MORN1: variants seen among roughly 807,000 people sequenced by gnomAD.
The protein encoded by MORN1 is MORN repeat containing 1.
A neutral mutation model predicts 61.9 loss-of-function variants in MORN1; 67 were observed. The observed-to-expected ratio is 1.08, with a 90% confidence interval of 0.89 to 1.33. MORN1 has a LOEUF of 1.33. MORN1 is among the 40% of genes most tolerant of loss of function. MORN1 has a pLI of 0.00. For missense variants in MORN1, 752 were observed against 691.2 expected, an observed-to-expected ratio of 1.09 and a Z score of -0.99; for synonymous variants, 301 against 292.0, an observed-to-expected ratio of 1.03 and a Z score of -0.31.
At chr1:2,356,790 TGC>T (rs1641780567) in intron 10 of MORN1, among the ~76,000 whole-genome samples, 1 of 152,208 alleles carries the variant, frequency 6.6e-6, no homozygotes, top group African/African-American at 2.4e-5. Flanking sequence ...CACTGCTCGC[TGC>T]ACCGGAGGGA....
chr1:2,339,929 C>T (rs917702297), intron 10 of MORN1, among the ~76,000 whole-genome samples: 10 of 152,264 alleles, frequency 6.6e-5, no homozygotes, highest in Non-Finnish European at 1.0e-4. Context: ...TGGAATCCCT[C>T]GGCCGCTCCT....
At chr1:2,335,809 G>A (rs1001928665) in intron 12 of MORN1, among the ~76,000 whole-genome samples, 17 of 144,086 alleles carry the variant, frequency 1.2e-4, no homozygotes, top group African/African-American at 4.2e-4. Flanking sequence ...GCACATCAGC[G>A]GGGGCCTCCT....
In MORN1 at chr1:2,321,334, A is replaced by C; in HGVS notation, c.*49T>G. ...GGAGCAGAGTCACGCAAGCAGAGGC[A>C]GCGTTTCCTTCCATTCACACCGAGG... On this transcript the variant is annotated 3_prime_UTR_variant, in exon 14 of 14. Coordinates refer to ENST00000378531, the MANE Select transcript of MORN1 (RefSeq NM_024848.3). 7.7e-7 allele frequency: 1 copy of C among 1,296,588 alleles called. No individual in the cohort carries two copies. The highest frequency in any genetic ancestry group is 1.0e-6 in the Non-Finnish European group (1 of 965,408). 80.3% of individuals were successfully genotyped at this position (1,296,588 alleles called of 1,614,324 possible). A position where few individuals can be genotyped will look rare whatever the true frequency, so the allele number is the denominator to read the frequency against.
At position 2,385,844 on chromosome 1, in the gene MORN1, C is replaced by G; in HGVS notation, c.412G>C (p.Asp138His). Residue 138 changes from aspartate (D) to histidine (H), a missense_variant, in exon 5 of 14, where the codon GAC (aspartate) becomes CAC (histidine). Asp to His is a moderately conservative substitution (Grantham distance 81). Transcript: ENST00000378531. The stretch of plus-strand genomic sequence containing the variant: ...TGCCCAGGGCCGTGCCTCTTGTTGT[C>G]ATGGAAGGAGCCCTGGTACACTTGT... ...DGQVYQGSFH[D>H]NKRHGPGQML... 6.2e-7 allele frequency: 1 copy of G among 1,613,950 alleles called. No homozygotes were observed.
chr1:2,372,212 C>A lies in MORN1; in HGVS notation c.745+269G>T. ...TATACACATTCAGACCTGTGCACAC[C>A]TGTGCAAGGCATACACACATATGCA... On this transcript the variant is annotated intron_variant, in intron 8 of 13. Transcript: ENST00000378531. The surrounding 1 kb of genome is among the most constrained non-coding windows in gnomAD (Gnocchi z 5.4). The A allele has an allele frequency of 2.4e-6, 1 of 415,642 alleles. No individual in the cohort carries two copies. Among genetic ancestry groups the A allele is most frequent in the Admixed American group, 3.9e-5 (1 of 25,634 alleles). 25.7% of individuals were successfully genotyped at this position (415,642 alleles called of 1,614,324 possible).
intron 7 of MORN1, among the ~76,000 whole-genome samples, chr1:2,373,938 G>T (rs1385834666): frequency 6.6e-6 from 1 of 152,242 alleles, no homozygotes; most frequent in Non-Finnish European, 1.5e-5. Flanking sequence ...GGTGCTGGCG[G>T]CACCTGCACC....
rs142498651 is a variant in MORN1, at chr1:2,387,462, G to A, written c.315C>T (p.Ala105=). 5.1e-5 allele frequency: 82 copies of A among 1,613,682 alleles called. No individual in the cohort carries two copies. The African/African-American group carries it at 8.0e-4, about 16-fold the overall frequency. ...AGACCTCCCCTTCATAACATCCGCC[G>A]GCTTTGTACTCCATGACGCCGTAGC... ...PQGYGVMEYK[A]GGCYEGEVSH... is the part of the protein sequence containing the mutation. The change falls in exon 4 of 14, where the codon GCC becomes GCT. Residue 105 remains alanine (A), a synonymous_variant. Coordinates refer to ENST00000378531, the MANE Select transcript of MORN1 (RefSeq NM_024848.3).
chr1:2,331,313 C>T (rs1053814284), intron 12 of MORN1, among the ~76,000 whole-genome samples: 5 of 152,178 alleles, frequency 3.3e-5, no homozygotes, highest in East Asian at 3.9e-4. Context: ...AGAGGCAGCA[C>T]GGGCCAGGGC....
chr1:2,357,395 C>G lies in MORN1; in HGVS notation c.1036+37G>C. The stretch of plus-strand genomic sequence containing the variant: ...CCCCACCTTGACTGCTGGGCCTGGG[C>G]CCACCCACCCCCAACTGGTTTGTGA... On this transcript the variant is annotated intron_variant, in intron 10 of 13. Transcript: ENST00000378531. The surrounding 1 kb of genome is among the most constrained non-coding windows in gnomAD (Gnocchi z 6.3). The G allele has an allele frequency of 1.3e-6, 2 of 1,536,400 alleles. No individual in the cohort carries two copies. Among genetic ancestry groups the G allele is most frequent in the South Asian group, 1.2e-5 (1 of 80,642 alleles).
intron 10 of MORN1, among the ~76,000 whole-genome samples, chr1:2,348,167 C>T (rs1204326297): frequency 6.6e-6 from 1 of 152,342 alleles, no homozygotes; most frequent in Non-Finnish European, 1.5e-5. Flanking sequence ...CTGCCATGGT[C>T]CTGGCGTCTT....
chr1:2,333,651 G>C (rs1641207926), intron 12 of MORN1, among the ~76,000 whole-genome samples: 2 of 152,320 alleles, frequency 1.3e-5, no homozygotes, highest in South Asian at 2.1e-4. Context: ...CTGAGAGCCG[G>C]CCCTTGCCCC....
chr1:2,388,834 G>A (rs2100380314), intron 2 of MORN1, among the ~76,000 whole-genome samples: 1 of 151,252 alleles, frequency 6.6e-6, no homozygotes, highest in Middle Eastern at 3.5e-3. Flanking sequence ...CAGAGTGGCT[G>A]GGCGCAGTGG....
chr1:2,384,937 C>T lies in MORN1; in HGVS notation c.537+41G>A, dbSNP rs1018243712. ...CCACGCGCCCTGCCCACCACGAGGC[C>T]TGTACCCTCTGGGCAGCAGGTGCCG... On this transcript the variant is annotated intron_variant, in intron 6 of 13. Transcript: ENST00000378531. The T allele has an allele frequency of 3.3e-6, 5 of 1,511,214 alleles. No individual in the cohort carries two copies. The African/African-American group carries it at 6.9e-5, about 21-fold the overall frequency. The allele number at this position is 1,511,214 out of a possible 1,614,324, so 93.6% of individuals were successfully genotyped here.
intron 13 of MORN1, chr1:2,322,447 G>A: frequency 1.0e-6 from 1 of 985,314 alleles, no homozygotes; most frequent in Non-Finnish European, 1.2e-6. Flanking sequence ...CAGAGCGGCG[G>A]CCTCCTCGGC....
intron 8 of MORN1, among the ~76,000 whole-genome samples, chr1:2,362,670 G>A (rs1641915413): frequency 6.6e-6 from 1 of 152,120 alleles, no homozygotes; most frequent in Non-Finnish European, 1.5e-5. Context: ...AGACCAATCT[G>A]GCCTACATGG....
At chr1:2,387,732 G>A (rs1333496417) in intron 3 of MORN1, 1 of 582,134 alleles carries the variant, frequency 1.7e-6, no homozygotes, top group African/African-American at 1.9e-5. Flanking sequence ...CATGCAGACA[G>A]CCCCAGGCAG....
intron 10 of MORN1, among the ~76,000 whole-genome samples, chr1:2,338,460 T>C (rs2036085): frequency 0.41 from 61,987 of 152,004 alleles, 13,793 homozygotes; most frequent in African/African-American, 0.59. Context: ...TAACTTGGAC[T>C]GCGTCTTTTA....
rs539028793 is a variant in MORN1, at chr1:2,334,795, C to T, written c.1250+1674G>A. On this transcript the variant is annotated intron_variant, in intron 12 of 13. Transcript: ENST00000378531. The surrounding 1 kb of genome is among the most constrained non-coding windows in gnomAD (Gnocchi z 5.4). The stretch of plus-strand genomic sequence containing the variant: ...GGCCCAGGCTGGGAGCAGACGCCGA[C>T]CCCTCCGTTCTCTCAGGTGGAAAAG... Among the ~76,000 whole-genome samples the T allele has an allele frequency of 7.1e-4, 108 of 152,372 alleles. 1 individual carries two copies. The highest frequency in any genetic ancestry group is 2.5e-3 in the African/African-American group (103 of 41,584).
chr1:2,351,780 A>G (rs1021168264), intron 10 of MORN1: 6 of 563,800 alleles, frequency 1.1e-5, no homozygotes, highest in Non-Finnish European at 2.1e-5. Flanking sequence ...GGTGCCAATG[A>G]AGACTCGGCC....
Sources: gnomAD v4.1 joint callset for allele counts (sites outside exome capture counted in the v4.1 genomes callset) on GRCh38, gnomAD v4.1.1 for gene constraint, Gnocchi (gnomAD v3.1) non-coding constraint, MANE v1.5 for transcripts, NCBI Gene and HGNC (gene_info 2026-07-23, HGNC 2026-07-21) for gene names.